Variants in NCAM2 observed in about 807,000 individuals in gnomAD.
NCAM2 encodes neural cell adhesion molecule 2.
NCAM2 carries 30 observed loss-of-function variants against 98.1 expected under a neutral mutation model. That is an observed-to-expected ratio of 0.31 (90% CI 0.23 to 0.41). The LOEUF (loss-of-function observed/expected upper bound fraction) is 0.41, where lower values mean the gene tolerates loss of function less well. Among genes scored for constraint, NCAM2 ranks in the 10% least tolerant of loss-of-function variants. NCAM2 has a pLI of 1.00. For missense variants in NCAM2, 867 were observed against 1,005.8 expected, an observed-to-expected ratio of 0.86 and a Z score of 1.87; for synonymous variants, 368 against 342.4, an observed-to-expected ratio of 1.07 and a Z score of -0.83.
intron 8 of NCAM2, among the ~76,000 whole-genome samples, chr21:21,343,394 C>CACACACACAG (rs1021014994): frequency 6.6e-6 from 1 of 151,218 alleles, no homozygotes; most frequent in African/African-American, 2.4e-5. Flanking sequence ...CACACACACA[C>CACACACACAG]AATCTTCATG....
chr21:21,366,276 G>A (rs1354173717), intron 8 of NCAM2, among the ~76,000 whole-genome samples: 1 of 151,900 alleles, frequency 6.6e-6, no homozygotes, highest in South Asian at 2.1e-4. Context: ...TGATATTGTA[G>A]CATCTCCTGT....
intron 1 of NCAM2, among the ~76,000 whole-genome samples, chr21:21,006,132 A>G (rs561794838): frequency 1.5e-4 from 23 of 152,212 alleles, no homozygotes; most frequent in African/African-American, 5.1e-4. Context: ...CTTTTTTGCT[A>G]CAGTGTTTGT....
At chr21:21,122,586 C>T (rs2066698094) in intron 1 of NCAM2, among the ~76,000 whole-genome samples, 1 of 152,102 alleles carries the variant, frequency 6.6e-6, no homozygotes, top group Non-Finnish European at 1.5e-5. Context: ...CTAATGTGGG[C>T]TGGGTTTGCT....
intron 8 of NCAM2, among the ~76,000 whole-genome samples, chr21:21,359,302 G>C (rs1290492017): frequency 6.6e-6 from 1 of 151,616 alleles, no homozygotes; most frequent in African/African-American, 2.4e-5. Flanking sequence ...ATATAATTAG[G>C]CCTGTTAGAA....
rs556990425 is a variant in NCAM2, at chr21:21,333,147, ACC to A, written c.738-2357_738-2356del. ...TGTGAATAGCAATAGGAGCATTTCT[ACC>A]TGACTTTATTGGGAGGGAGTAATAA... On this transcript the variant is annotated intron_variant, in intron 6 of 17. Transcript: ENST00000400546. 1.8e-3 allele frequency among the ~76,000 whole-genome samples: 277 copies of A among 152,256 alleles called. 1 individual carries two copies. The highest frequency in any genetic ancestry group is 6.4e-3 in the African/African-American group (266 of 41,548).
intron 12 of NCAM2, among the ~76,000 whole-genome samples, chr21:21,441,653 A>G (rs910256699): frequency 2.6e-5 from 4 of 152,182 alleles, no homozygotes; most frequent in African/African-American, 9.6e-5. Context: ...TGGGAGACTT[A>G]GCAATTTTAA....
chr21:21,138,479 T>C (rs769902067), intron 1 of NCAM2, among the ~76,000 whole-genome samples: 1 of 152,178 alleles, frequency 6.6e-6, no homozygotes, highest in East Asian at 1.9e-4. Flanking sequence ...AGTGTATTTA[T>C]TTGCCTACTA....
intron 6 of NCAM2, among the ~76,000 whole-genome samples, chr21:21,332,430 C>T (rs1319970213): frequency 1.3e-5 from 2 of 152,074 alleles, no homozygotes; most frequent in Non-Finnish European, 2.9e-5. Flanking sequence ...AAGGACATGA[C>T]TTAAGTCCTG....
intron 1 of NCAM2, among the ~76,000 whole-genome samples, chr21:21,154,033 A>T (rs528164439): frequency 5.0e-4 from 76 of 152,008 alleles, no homozygotes; most frequent in Non-Finnish European, 9.9e-4. Context: ...AATGTTTTAG[A>T]GAAGAGGTCA....
rs1990284972 is a variant in NCAM2, at chr21:21,542,815, G to C, written c.*4858G>C. The C allele has an allele frequency of 6.6e-6, 1 of 151,866 alleles. No homozygotes were observed. Among genetic ancestry groups the C allele is most frequent in the Admixed American group, 6.6e-5 (1 of 15,146 alleles). The allele number at this position is 151,866 out of a possible 1,614,324, so 9.4% of individuals were successfully genotyped here. A position where few individuals can be genotyped will look rare whatever the true frequency, so the allele number is the denominator to read the frequency against. Reference sequence around the variant, plus strand: ...GCGAAGGAGAAAACAGTGTAACACAGAGGAGAAAGTTAACAGAGATAGAAT... The same window carrying C: ...GCGAAGGAGAAAACAGTGTAACACACAGGAGAAAGTTAACAGAGATAGAAT... On this transcript the variant is annotated 3_prime_UTR_variant, in exon 18 of 18. Transcript: ENST00000400546.
intron 14 of NCAM2, among the ~76,000 whole-genome samples, chr21:21,473,903 C>A (rs369737018): frequency 1.2e-3 from 159 of 136,174 alleles, no homozygotes; most frequent in South Asian, 1.6e-3. Context: ...ATTTTCTGAC[C>A]AAAAAAAAAA....
At chr21:21,250,688 C>T (rs574027436) in intron 1 of NCAM2, among the ~76,000 whole-genome samples, 1 of 152,216 alleles carries the variant, frequency 6.6e-6, no homozygotes, top group South Asian at 2.1e-4. Flanking sequence ...ACAAACAAAA[C>T]ATTTCTACTA....
intron 15 of NCAM2, among the ~76,000 whole-genome samples, chr21:21,503,364 C>T (rs1245603541): frequency 6.6e-6 from 1 of 151,804 alleles, no homozygotes; most frequent in Non-Finnish European, 1.5e-5. Flanking sequence ...TGAACATGAA[C>T]GCTTTGAGAC....
chr21:21,411,087 T>C (rs1436613599), intron 10 of NCAM2, among the ~76,000 whole-genome samples: 3 of 80,760 alleles, frequency 3.7e-5, no homozygotes, highest in Non-Finnish European at 5.3e-5. Context: ...CATATATATA[T>C]GTGTGTATAT....
intron 13 of NCAM2, 77 bp downstream of exon 13, chr21:21,466,802 G>A: frequency 7.0e-7 from 1 of 1,430,104 alleles, no homozygotes; most frequent in Admixed American, 2.2e-5. Context: ...TAAAATGTAG[G>A]GAGATGTTTC....
intron 11 of NCAM2, among the ~76,000 whole-genome samples, chr21:21,430,530 G>A (rs988216919): frequency 7.9e-5 from 12 of 151,988 alleles, no homozygotes; most frequent in African/African-American, 2.9e-4. Flanking sequence ...TATGCTGAAA[G>A]GCAAAGGAGA....
intron 1 of NCAM2, among the ~76,000 whole-genome samples, chr21:21,265,039 G>GTGTCTGTATATATATA (rs1568855457): frequency 2.2e-5 from 1 of 44,806 alleles, no homozygotes; most frequent in African/African-American, 6.9e-5. Context: ...GTGTATATAT[G>GTGTCTGTATATATATA]TACACATATA....
intron 3 of NCAM2, 147 bp from the exon 4 acceptor site, chr21:21,286,122 T>C: frequency 1.2e-6 from 1 of 845,186 alleles, no homozygotes; most frequent in Non-Finnish European, 1.8e-6. Context: ...GAGAAGTAGA[T>C]TATCTAGTTT....
chr21:21,494,370 T>G (rs1264749619), intron 15 of NCAM2, among the ~76,000 whole-genome samples: 2 of 151,928 alleles, frequency 1.3e-5, no homozygotes, highest in African/African-American at 4.8e-5. Flanking sequence ...CCTTTCAATG[T>G]TGACAGAAAA....
Sources: gnomAD v4.1 joint callset for allele counts (sites outside exome capture counted in the v4.1 genomes callset) on GRCh38, gnomAD v4.1.1 for gene constraint, MANE v1.5 for transcripts, NCBI Gene and HGNC (gene_info 2026-07-23, HGNC 2026-07-21) for gene names.